CACHD1: variants seen among roughly 807,000 people sequenced by gnomAD.
The protein encoded by CACHD1 is VWFA and cache domain-containing protein 1.
Under a neutral mutation model 138.7 loss-of-function variants are expected in CACHD1, and 71 were observed. That is an observed-to-expected ratio of 0.51 (90% CI 0.42 to 0.62). The LOEUF (loss-of-function observed/expected upper bound fraction) is 0.62, where lower values mean the gene tolerates loss of function less well. Ranked by LOEUF, CACHD1 falls within the 20% of genes least tolerant of loss-of-function variation. The pLI is 0.00. For missense variants in CACHD1, 1,389 were observed against 1,625.3 expected (o/e 0.85, Z 2.50); for synonymous variants, 578 against 591.5 (o/e 0.98, Z 0.33).
intron 16 of CACHD1, among the ~76,000 whole-genome samples, chr1:64,671,255 C>T (rs1553145787): frequency 6.6e-6 from 1 of 152,048 alleles, no homozygotes; most frequent in Non-Finnish European, 1.5e-5. Context: ...TCCAACCTCC[C>T]ACCTGATGCC....
intron 4 of CACHD1, among the ~76,000 whole-genome samples, chr1:64,622,352 G>C (rs961361333): frequency 1.3e-5 from 2 of 152,186 alleles, no homozygotes; most frequent in African/African-American, 2.4e-5. Context: ...AGGTAAACCA[G>C]CCTGAACTAC....
intron 2 of CACHD1, among the ~76,000 whole-genome samples, chr1:64,571,795 T>C (rs928110067): frequency 1.3e-5 from 2 of 152,212 alleles, no homozygotes; most frequent in Admixed American, 6.5e-5. Context: ...AGTTTCTGCA[T>C]AGTGTGCCAG....
chr1:64,689,130 C>T (rs78916495), intron 26 of CACHD1, among the ~76,000 whole-genome samples: 3,603 of 152,258 alleles, frequency 0.024, 133 homozygotes, highest in African/African-American at 0.082. Flanking sequence ...GTCTCCCATC[C>T]AAGTACTAAC....
chr1:64,507,472 G>T (rs1418261143), intron 1 of CACHD1, among the ~76,000 whole-genome samples: 1 of 152,190 alleles, frequency 6.6e-6, no homozygotes, highest in Non-Finnish European at 1.5e-5. Flanking sequence ...TTTTTTACTT[G>T]TGTTGATGTT....
At chr1:64,631,467 A>T (rs1648301529) in intron 5 of CACHD1, among the ~76,000 whole-genome samples, 1 of 152,098 alleles carries the variant, frequency 6.6e-6, no homozygotes. Flanking sequence ...AACTAGTGTA[A>T]ATTTGGCCAG....
intron 4 of CACHD1, among the ~76,000 whole-genome samples, chr1:64,606,340 A>G (rs1647338948): frequency 6.6e-6 from 1 of 152,168 alleles, no homozygotes; most frequent in South Asian, 2.1e-4. Context: ...GGGATTGTAG[A>G]CTATGGGTTT....
intron 3 of CACHD1, among the ~76,000 whole-genome samples, chr1:64,597,236 C>T (rs1006876545): frequency 6.6e-6 from 1 of 152,150 alleles, no homozygotes; most frequent in Non-Finnish European, 1.5e-5. Flanking sequence ...TTCAAAGCTT[C>T]TGCAAATTTA....
In CACHD1 at chr1:64,676,962, G is replaced by A. The variant is rs764712294; in HGVS notation, c.3043G>A (p.Ala1015Thr). 3 of 1,614,042 alleles carry A rather than the reference G, an allele frequency of 1.9e-6. No homozygotes were observed. The highest frequency in any genetic ancestry group is 2.5e-6 in the Non-Finnish European group (3 of 1,179,936). The part of the protein sequence containing the change: ...YTAIDPGLQD[A>T]LHQCVNSRCS... Reference sequence around the variant, plus strand: ...AGCTATTGACCCTGGCCTGCAAGATGCTCTTCACCAGTGTGTCAACAGCAG... The same window carrying A: ...AGCTATTGACCCTGGCCTGCAAGATACTCTTCACCAGTGTGTCAACAGCAG... The change falls in exon 22 of 27, where the codon GCT becomes ACT. Residue 1015 changes from alanine to threonine, a missense_variant. Physicochemically the swap from Ala to Thr is moderately conservative, Grantham distance 58. Coordinates refer to ENST00000651257, the MANE Select transcript of CACHD1 (RefSeq NM_020925.4).
intron 26 of CACHD1, among the ~76,000 whole-genome samples, chr1:64,686,098 G>A (rs758717745): frequency 5.9e-5 from 9 of 152,198 alleles, no homozygotes; most frequent in Non-Finnish European, 1.0e-4. Flanking sequence ...TTTTATCTGC[G>A]AGTAAATTAT....
intron 4 of CACHD1, among the ~76,000 whole-genome samples, chr1:64,620,161 T>C (rs1647858284): frequency 6.6e-6 from 1 of 152,110 alleles, no homozygotes; most frequent in African/African-American, 2.4e-5. Context: ...TCATAGGCCT[T>C]CAATGTTTTA....
intron 7 of CACHD1, among the ~76,000 whole-genome samples, chr1:64,639,354 A>G (rs1026715396): frequency 6.6e-6 from 1 of 152,256 alleles, no homozygotes; most frequent in Non-Finnish European, 1.5e-5. Flanking sequence ...ACTGAACTGT[A>G]TATACAACTG....
chr1:64,685,753 A>G (rs1346329497), intron 26 of CACHD1, among the ~76,000 whole-genome samples: 1 of 151,808 alleles, frequency 6.6e-6, no homozygotes, highest in Non-Finnish European at 1.5e-5. Context: ...TGGGAAGATC[A>G]CTTGAGCCCA....
intron 4 of CACHD1, among the ~76,000 whole-genome samples, chr1:64,618,644 T>C (rs1001103987): frequency 6.6e-6 from 1 of 152,092 alleles, no homozygotes; most frequent in Non-Finnish European, 1.5e-5. Flanking sequence ...GAAGTGGGAA[T>C]TGGGAAGGTG....
At chr1:64,671,290 G>A (rs910710200) in intron 16 of CACHD1, among the ~76,000 whole-genome samples, 2 of 151,850 alleles carry the variant, frequency 1.3e-5, no homozygotes, top group African/African-American at 2.4e-5. Context: ...TTTGTCAGTC[G>A]AGCCACTCTC....
At chr1:64,509,678 A>G (rs1646404294) in intron 1 of CACHD1, among the ~76,000 whole-genome samples, 2 of 152,214 alleles carry the variant, frequency 1.3e-5, no homozygotes, top group Admixed American at 1.3e-4. Context: ...ACAACATTAT[A>G]TATAAATGCA....
At chr1:64,512,183 C>G (rs991345318) in intron 1 of CACHD1, among the ~76,000 whole-genome samples, 13 of 152,148 alleles carry the variant, frequency 8.5e-5, no homozygotes, top group Non-Finnish European at 1.6e-4. Context: ...CACCTGAGGT[C>G]AGGAGTTTGA....
chr1:64,683,516 T>C (rs956960530), intron 26 of CACHD1, among the ~76,000 whole-genome samples: 1 of 152,186 alleles, frequency 6.6e-6, no homozygotes, highest in Admixed American at 6.5e-5. Context: ...AATACCAAAT[T>C]AGGATTCTGA....
At chr1:64,682,208 C>A in intron 26 of CACHD1, 102 bp downstream of exon 26, 1 of 961,864 alleles carries the variant, frequency 1.0e-6, no homozygotes, top group Non-Finnish European at 1.6e-6. Context: ...AAAAGACACA[C>A]CCCAGCATGC....
chr1:64,492,254 G>C (rs1646280612), intron 1 of CACHD1, among the ~76,000 whole-genome samples: 1 of 149,512 alleles, frequency 6.7e-6, no homozygotes, highest in South Asian at 2.1e-4. Flanking sequence ...CTTATATTTT[G>C]GAAATGTTTT....
Sources: gnomAD v4.1 joint callset for allele counts (sites outside exome capture counted in the v4.1 genomes callset) on GRCh38, gnomAD v4.1.1 for gene constraint, MANE v1.5 for transcripts, NCBI Gene and HGNC (gene_info 2026-07-23, HGNC 2026-07-21) for gene names.